The following MAP2K5 variants were observed in gnomAD, a reference collection of about 807,000 sequenced individuals.
MAP2K5 encodes dual specificity mitogen-activated protein kinase kinase 5.
In MAP2K5, 49 loss-of-function variants were observed where a neutral mutation model predicts 83.1. The observed-to-expected ratio is 0.59, with a 90% CI of 0.47 to 0.75. MAP2K5 has a LOEUF of 0.75. MAP2K5 is among the 30% of genes least tolerant of loss of function. MAP2K5 has a pLI of 0.00. For missense variants in MAP2K5, 457 were observed against 557.5 expected (o/e 0.82, Z 1.82); for synonymous variants, 202 against 191.8 (o/e 1.05, Z -0.44).
At position 67,676,638 on chromosome 15, in the gene MAP2K5, T is replaced by C. The variant is rs1484759775; in HGVS notation, c.847+11993T>C. Among the ~76,000 whole-genome samples, 1 of 152,242 alleles carries C rather than the reference T, an allele frequency of 6.6e-6. No homozygotes were observed. Among genetic ancestry groups the C allele is most frequent in the Non-Finnish European group, 1.5e-5 (1 of 68,038 alleles). On this transcript the variant is annotated intron_variant, in intron 13 of 21. Coordinates refer to ENST00000178640, the MANE Select transcript of MAP2K5 (RefSeq NM_145160.3). This position sits in a 1 kb window ranked among gnomAD's most constrained non-coding sequence, Gnocchi z 4.8. ...AATATTAATCATTTTCCTAATATCA[T>C]TTATTGAGTACCTTGTATGTGCTAC...
At position 67,769,741 on chromosome 15, in the gene MAP2K5, A is replaced by T; in HGVS notation, c.1196+78A>T. 2 of 1,424,088 alleles carry T rather than the reference A, an allele frequency of 1.4e-6. No individual in the cohort carries two copies. Among genetic ancestry groups the T allele is most frequent in the Non-Finnish European group, 2.0e-6 (2 of 1,012,754 alleles). The allele number at this position is 1,424,088 out of a possible 1,614,324, so 88.2% of individuals were successfully genotyped here. A position where few individuals can be genotyped will look rare whatever the true frequency, so the allele number is the denominator to read the frequency against. On this transcript the variant is annotated intron_variant, in intron 20 of 21. Coordinates refer to ENST00000178640, the MANE Select transcript of MAP2K5 (RefSeq NM_145160.3). This position sits in a 1 kb window ranked among gnomAD's most constrained non-coding sequence, Gnocchi z 5.2. ...TAACTCGGCAGCTCCGTGAGACCTT[A>T]TGGCTCTCCCTGCATCCTTTTGGAG... is the stretch of plus-strand genomic sequence containing the variant.
intron 2 of MAP2K5, 60 bp downstream of exon 2, chr15:67,550,142 T>A: frequency 7.4e-7 from 1 of 1,343,820 alleles, no homozygotes; most frequent in Non-Finnish European, 1.1e-6. Flanking sequence ...TTTAAAGGGT[T>A]TATGGGTGGC....
At chr15:67,721,143 GT>G (rs113440700) in intron 16 of MAP2K5, among the ~76,000 whole-genome samples, 10 of 151,444 alleles carry the variant, frequency 6.6e-5, no homozygotes, top group African/African-American at 2.2e-4. Flanking sequence ...TTCGTTTTTT[GT>G]TTTTTTTAAG....
intron 1 of MAP2K5, among the ~76,000 whole-genome samples, chr15:67,544,481 C>T (rs2084354259): frequency 6.6e-6 from 1 of 152,162 alleles, no homozygotes; most frequent in Non-Finnish European, 1.5e-5. Context: ...GGTGAAATGG[C>T]TTTTCCAAAG....
chr15:67,580,144 G>A (rs1596590533), intron 3 of MAP2K5, among the ~76,000 whole-genome samples: 2 of 152,252 alleles, frequency 1.3e-5, no homozygotes, highest in Admixed American at 1.3e-4. Flanking sequence ...TATTTTTTGT[G>A]TGCAGAATTT....
chr15:67,763,066 T>C (rs1178552107), intron 19 of MAP2K5, among the ~76,000 whole-genome samples: 1 of 152,132 alleles, frequency 6.6e-6, no homozygotes, highest in Admixed American at 6.5e-5. Flanking sequence ...CAAGACTTGA[T>C]GTGGAGTAGG....
Position 67,794,169 on chromosome 15 carries a change from T to A in MAP2K5, c.1243-12477T>A, listed in dbSNP as rs1369865689. Among the ~76,000 whole-genome samples the A allele has an allele frequency of 6.6e-6, 1 of 152,214 alleles. No homozygotes were observed. The highest frequency in any genetic ancestry group is 1.5e-5 in the Non-Finnish European group (1 of 68,038). On this transcript the variant is annotated intron_variant, in intron 21 of 21. Coordinates refer to ENST00000178640, the MANE Select transcript of MAP2K5 (RefSeq NM_145160.3). This position sits in a 1 kb window ranked among gnomAD's most constrained non-coding sequence, Gnocchi z 4.6. ...GTGACACCACCTTGGAAAATGCAGGTCACACCAGTCACCACCATCAAAAAC... is the reference window on the plus strand; with the variant it reads ...GTGACACCACCTTGGAAAATGCAGGACACACCAGTCACCACCATCAAAAAC...
At chr15:67,558,104 C>T (rs544992956) in intron 2 of MAP2K5, among the ~76,000 whole-genome samples, 35 of 152,256 alleles carry the variant, frequency 2.3e-4, no homozygotes, top group African/African-American at 7.0e-4. Flanking sequence ...TATTAATAGT[C>T]TTGCTAATTT....
Position 67,772,103 on chromosome 15 carries a change from G to T in MAP2K5, c.1197-604G>T, listed in dbSNP as rs554665748. Among the ~76,000 whole-genome samples, 107 of 152,352 alleles carry T rather than the reference G, an allele frequency of 7.0e-4. 3 individuals are homozygous for T. The South Asian group carries it at 0.022, about 31-fold the overall frequency. The stretch of plus-strand genomic sequence containing the variant: ...CTTAAACAAATTTAGCTGTCCCACA[G>T]CGGTTTAATGAATTATCAACTTGCC... On this transcript the variant is annotated intron_variant, in intron 20 of 21. Transcript: ENST00000178640.
At chr15:67,661,527 A>G (rs142968494) in intron 12 of MAP2K5, among the ~76,000 whole-genome samples, 119 of 152,248 alleles carry the variant, frequency 7.8e-4, no homozygotes, top group African/African-American at 2.7e-3. Flanking sequence ...ACAGATTTCT[A>G]GCTCCTTTTT....
chr15:67,716,054 G>T (rs2088820581), intron 16 of MAP2K5, among the ~76,000 whole-genome samples: 1 of 152,156 alleles, frequency 6.6e-6, no homozygotes, highest in African/African-American at 2.4e-5. Flanking sequence ...TTTTTTGAGT[G>T]CCTAGTATGT....
At chr15:67,599,092 A>G (rs1368072459) in intron 7 of MAP2K5, among the ~76,000 whole-genome samples, 1 of 152,198 alleles carries the variant, frequency 6.6e-6, no homozygotes, top group Non-Finnish European at 1.5e-5. Flanking sequence ...TTTATGTGCT[A>G]CTTTTCTTCA....
At chr15:67,658,772 C>A in intron 12 of MAP2K5, 158 bp downstream of exon 12, 1 of 667,934 alleles carries the variant, frequency 1.5e-6, no homozygotes, top group Non-Finnish European at 2.7e-6. Context: ...TTTTCATAGA[C>A]CAGCCCACCC....
chr15:67,730,743 G>C (rs575841294), intron 17 of MAP2K5, among the ~76,000 whole-genome samples: 9 of 152,148 alleles, frequency 5.9e-5, no homozygotes, highest in Non-Finnish European at 1.2e-4. Context: ...CAGTGCCAGG[G>C]AATTGCTGCT....
intron 17 of MAP2K5, among the ~76,000 whole-genome samples, chr15:67,743,696 A>G (rs1313586974): frequency 6.6e-6 from 1 of 152,168 alleles, no homozygotes; most frequent in Non-Finnish European, 1.5e-5. Context: ...GTTATAATGG[A>G]TTGGAGGTTG....
chr15:67,795,410 A>G (rs748862346), intron 21 of MAP2K5, among the ~76,000 whole-genome samples: 1 of 152,236 alleles, frequency 6.6e-6, no homozygotes, highest in Admixed American at 6.5e-5. Context: ...GCATCCAACA[A>G]GTATTTACAT....
At chr15:67,553,665 G>C (rs890834849) in intron 2 of MAP2K5, among the ~76,000 whole-genome samples, 8 of 152,174 alleles carry the variant, frequency 5.3e-5, no homozygotes, top group Admixed American at 3.9e-4. Context: ...TGTAATCCCA[G>C]CACTTTGGGA....
At position 67,738,241 on chromosome 15, in the gene MAP2K5, T is replaced by C. The variant is rs1028632024; in HGVS notation, c.1075-9990T>C. ...GTAATGAAGCTTGTCTTGTTTTGTT[T>C]TCTGTTCAGAAACAAGTTGCAGAGA... On this transcript the variant is annotated intron_variant, in intron 17 of 21. Coordinates refer to ENST00000178640, the MANE Select transcript of MAP2K5 (RefSeq NM_145160.3). The surrounding 1 kb of genome is among the most constrained non-coding windows in gnomAD (Gnocchi z 4.1). 2.0e-5 allele frequency among the ~76,000 whole-genome samples: 3 copies of C among 152,194 alleles called. No homozygotes were observed. The highest frequency in any genetic ancestry group is 7.2e-5 in the African/African-American group (3 of 41,440).
intron 8 of MAP2K5, among the ~76,000 whole-genome samples, chr15:67,614,626 T>C (rs1335311791): frequency 6.6e-6 from 1 of 152,214 alleles, no homozygotes; most frequent in Non-Finnish European, 1.5e-5. Flanking sequence ...GTAGTTTCCT[T>C]GATCTCAGAG....
Sources: gnomAD v4.1 joint callset for allele counts (sites outside exome capture counted in the v4.1 genomes callset) on GRCh38, gnomAD v4.1.1 for gene constraint, Gnocchi (gnomAD v3.1) non-coding constraint, MANE v1.5 for transcripts, NCBI Gene and HGNC (gene_info 2026-07-23, HGNC 2026-07-21) for gene names.